Variants in BMAL1 observed in about 807,000 individuals in gnomAD.
BMAL1 encodes basic helix-loop-helix ARNT like 1.
At chr11:13,277,961 C>G in the BMAL1 span, 1 of 151,276 alleles carries the variant, frequency 6.6e-6, no homozygotes, top group Admixed American at 6.6e-5. Context: ...GACGCGATCC[C>G]GCGCACCCCG....
the BMAL1 span, among the ~76,000 whole-genome samples, chr11:13,290,084 G>A: frequency 6.6e-6 from 1 of 152,194 alleles, no homozygotes; most frequent in Non-Finnish European, 1.5e-5. Context: ...TCTAACTGGT[G>A]TGAGATGGTA....
chr11:13,315,800 C>T, the BMAL1 span, among the ~76,000 whole-genome samples: 8 of 152,274 alleles, frequency 5.3e-5, no homozygotes, highest in Middle Eastern at 6.8e-3. Flanking sequence ...TGGAGTTGAC[C>T]GAGAGCATGT....
chr11:13,280,250 G>A, the BMAL1 span, among the ~76,000 whole-genome samples: 3 of 152,346 alleles, frequency 2.0e-5, no homozygotes, highest in Admixed American at 6.5e-5. Flanking sequence ...GACTACTTAC[G>A]AGTTTGTCTG....
the BMAL1 span, among the ~76,000 whole-genome samples, chr11:13,331,818 T>G: frequency 6.6e-6 from 1 of 152,106 alleles, no homozygotes; most frequent in Non-Finnish European, 1.5e-5. Flanking sequence ...GGGGAGTTAC[T>G]TCTCTTTCTG....
the BMAL1 span, among the ~76,000 whole-genome samples, chr11:13,303,656 C>A: frequency 3.3e-5 from 5 of 152,172 alleles, no homozygotes; most frequent in African/African-American, 1.2e-4. Context: ...TGTGTCTCTG[C>A]CTTCTTCAAG....
the BMAL1 span, among the ~76,000 whole-genome samples, chr11:13,367,744 G>C: frequency 6.6e-6 from 1 of 151,650 alleles, no homozygotes; most frequent in Admixed American, 6.6e-5. Flanking sequence ...GAACACAAGG[G>C]AGATTACTGG....
chr11:13,374,910 T>TAA, the BMAL1 span, among the ~76,000 whole-genome samples: 2 of 152,186 alleles, frequency 1.3e-5, no homozygotes, highest in Non-Finnish European at 2.9e-5. Flanking sequence ...ACCTCCTCAG[T>TAA]TTCAGTCCCC....
At chr11:13,376,573 C>A in the BMAL1 span, 1 of 1,521,426 alleles carries the variant, frequency 6.6e-7, no homozygotes, top group Non-Finnish European at 9.1e-7. Flanking sequence ...ACACCTTGGC[C>A]AAGTTGAATG....
the BMAL1 span, among the ~76,000 whole-genome samples, chr11:13,348,399 TC>T: frequency 2.0e-5 from 3 of 151,956 alleles, no homozygotes; most frequent in Middle Eastern, 3.2e-3. Context: ...CAAGGGGGTA[TC>T]CCGCCTCTGA....
the BMAL1 span, among the ~76,000 whole-genome samples, chr11:13,281,013 T>G: frequency 1.3e-5 from 2 of 152,282 alleles, no homozygotes; most frequent in African/African-American, 4.8e-5. Context: ...AGGTTTCTCC[T>G]CTTGGTGTAA....
At chr11:13,324,327 C>T in the BMAL1 span, among the ~76,000 whole-genome samples, 1 of 152,204 alleles carries the variant, frequency 6.6e-6, no homozygotes, top group Non-Finnish European at 1.5e-5. Flanking sequence ...TGCTCATCTT[C>T]TCTGGTCTCA....
chr11:13,292,089 C>T, the BMAL1 span, among the ~76,000 whole-genome samples: 1 of 152,192 alleles, frequency 6.6e-6, no homozygotes, highest in Non-Finnish European at 1.5e-5. Context: ...TTAGAGCTCT[C>T]TCCCCTACTG....
At chr11:13,296,084 C>T in the BMAL1 span, among the ~76,000 whole-genome samples, 4 of 152,234 alleles carry the variant, frequency 2.6e-5, no homozygotes, top group Non-Finnish European at 4.4e-5. Flanking sequence ...CAAACTTAGG[C>T]GATTTCCCTG....
chr11:13,378,212 C>T, the BMAL1 span: 1 of 1,309,902 alleles, frequency 7.6e-7, no homozygotes, highest in Non-Finnish European at 1.0e-6. Context: ...CCCTAAAGTC[C>T]CTCAAGGCAC....
chr11:13,297,354 CTG>C, the BMAL1 span, among the ~76,000 whole-genome samples: 1 of 152,230 alleles, frequency 6.6e-6, no homozygotes, highest in Non-Finnish European at 1.5e-5. Flanking sequence ...TGAGAGTCTA[CTG>C]TGTGCCTGGC....
the BMAL1 span, chr11:13,360,397 C>G: frequency 6.2e-7 from 1 of 1,613,746 alleles, no homozygotes. Flanking sequence ...TTCTATCAGA[C>G]GATGAATTGA....
chr11:13,381,330 A>T, the BMAL1 span: 1 of 1,394,614 alleles, frequency 7.2e-7, no homozygotes, highest in Non-Finnish European at 1.0e-6. Context: ...GGGAGTATGG[A>T]ATTGCAACTG....
the BMAL1 span, among the ~76,000 whole-genome samples, chr11:13,336,780 C>G: frequency 1.3e-5 from 2 of 152,182 alleles, no homozygotes; most frequent in Non-Finnish European, 2.9e-5. Flanking sequence ...GTGAATGTGC[C>G]AGTGTCAGAT....
the BMAL1 span, among the ~76,000 whole-genome samples, chr11:13,284,671 C>T: frequency 6.6e-6 from 1 of 151,968 alleles, no homozygotes; most frequent in Non-Finnish European, 1.5e-5. Flanking sequence ...GTATCTTTCT[C>T]ACACCTAAGC....
Sources: gnomAD v4.1 joint callset for allele counts (sites outside exome capture counted in the v4.1 genomes callset) on GRCh38, gnomAD v4.1.1 for gene constraint, MANE v1.5 for transcripts, NCBI Gene and HGNC (gene_info 2026-07-23, HGNC 2026-07-21) for gene names.